The following DOK7 variants were observed in gnomAD, a reference collection of about 807,000 sequenced individuals.
The protein encoded by DOK7 is protein Dok-7.
In DOK7, 32 loss-of-function variants were observed where a neutral mutation model predicts 30.7. The observed-to-expected ratio is 1.04, with a 90% CI of 0.79 to 1.40. DOK7 has a LOEUF of 1.40. DOK7 is among the 40% of genes most tolerant of loss of function. The pLI is 0.00. For missense variants in DOK7, 1,007 were observed against 699.2 expected (o/e 1.44, Z -4.97); for synonymous variants, 447 against 324.1 (o/e 1.38, Z -4.07).
Position 3,489,702 on chromosome 4 carries a change from T to C in DOK7, c.678T>C (p.Thr226=), listed in dbSNP as rs1184880137. 6.4e-7 allele frequency: 1 copy of C among 1,564,524 alleles called. No individual in the cohort carries two copies. Among genetic ancestry groups the C allele is most frequent in the Non-Finnish European group, 8.7e-7 (1 of 1,154,712 alleles). Residue 226 remains threonine, a synonymous_variant, in exon 6 of 7, where the codon ACT becomes ACC. Coordinates refer to ENST00000340083, the MANE Select transcript of DOK7 (RefSeq NM_173660.5). ...ACCCAAGTCCCCCGGGACCCTCGACTGTGGAGGAGCGTGTGGCCCAGGAAG... is the reference window on the plus strand; with the variant it reads ...ACCCAAGTCCCCCGGGACCCTCGACCGTGGAGGAGCGTGTGGCCCAGGAAG... ...LPDPSPPGPS[T]VEERVAQEAL... is the part of the protein sequence containing the mutation.
At chr4:3,500,274 G>A (rs1174491660) in exon 7 of DOK7, 8 of 1,535,888 alleles carry the variant, frequency 5.2e-6, no homozygotes, top group Non-Finnish European at 5.2e-6. Context: ...CGTGGCTGTG[G>A]ACAGCCCAGG....
intron 4 of DOK7, among the ~76,000 whole-genome samples, chr4:3,484,202 A>C (rs1388250187): frequency 1.3e-5 from 2 of 152,328 alleles, no homozygotes; most frequent in Admixed American, 1.3e-4. Context: ...GTTTGGGGAC[A>C]CTACGTGGAA....
At chr4:3,495,490 T>C (rs1184621331), downstream of DOK7, among the ~76,000 whole-genome samples, 1 of 152,204 alleles carries the variant, frequency 6.6e-6, no homozygotes, top group Non-Finnish European at 1.5e-5. Context: ...AGCCTTTCCC[T>C]GTGGGGATGC....
chr4:3,466,185 C>T (rs1357293261), intron 2 of DOK7, among the ~76,000 whole-genome samples: 1 of 148,962 alleles, frequency 6.7e-6, no homozygotes, highest in Non-Finnish European at 1.5e-5. Flanking sequence ...AGCCCAGTTC[C>T]CCCCAGCCAG....
rs560496112 is a variant in DOK7, at chr4:3,481,524, G to A, written c.533-4015G>A. Among the ~76,000 whole-genome samples the A allele has an allele frequency of 3.9e-4, 60 of 152,224 alleles. No individual in the cohort carries two copies. The South Asian group carries it at 0.011, about 28-fold the overall frequency. On this transcript the variant is annotated intron_variant, in intron 4 of 6. Coordinates refer to ENST00000340083, the MANE Select transcript of DOK7 (RefSeq NM_173660.5). ...GGGTGGGAGCCAACACCCACTGCCA[G>A]GCTCCAGGCCTTCCTCCACCCGAGA... is the stretch of plus-strand genomic sequence containing the variant.
chr4:3,497,317 G>A (rs1348154930), downstream of DOK7, among the ~76,000 whole-genome samples: 1 of 152,072 alleles, frequency 6.6e-6, no homozygotes, highest in Non-Finnish European at 1.5e-5. Flanking sequence ...CAGCGGTGGG[G>A]GCCTGTGGAG....
At chr4:3,484,458 A>G (rs1423225259) in intron 4 of DOK7, 5 of 982,182 alleles carry the variant, frequency 5.1e-6, no homozygotes, top group Non-Finnish European at 6.0e-6. Flanking sequence ...TCTTTGGGCA[A>G]TGGGCAGAGG....
Position 3,493,508 on chromosome 4 carries a change from C to T in DOK7, c.*7C>T, listed in dbSNP as rs760159934. ...GGTAAACCCCCCTCCTTGAGAGCCG[C>T]AGATCCCGCCCCGCGGCTGCAAAGG... On this transcript the variant is annotated 3_prime_UTR_variant, in exon 7 of 7. Transcript: ENST00000340083. 2.5e-6 allele frequency: 4 copies of T among 1,610,390 alleles called. No homozygotes were observed. In the South Asian group the frequency reaches 3.3e-5, roughly 13 times the overall value.
At chr4:3,497,213 T>G (rs1050257853), downstream of DOK7, among the ~76,000 whole-genome samples, 1 of 151,222 alleles carries the variant, frequency 6.6e-6, no homozygotes, top group East Asian at 2.0e-4. Context: ...AAGCCCTGAG[T>G]GTGGACCTGT....
chr4:3,466,462 G>A (rs908579872), intron 2 of DOK7, among the ~76,000 whole-genome samples: 2 of 152,194 alleles, frequency 1.3e-5, no homozygotes, highest in South Asian at 2.1e-4. Flanking sequence ...ACACTGGGTC[G>A]GCCCTTCCTG....
chr4:3,485,516 C>T, intron 4 of DOK7, 23 bp from the exon 5 acceptor site: 4 of 1,570,514 alleles, frequency 2.5e-6, no homozygotes, highest in Non-Finnish European at 3.5e-6. Flanking sequence ...CCAGACTGAC[C>T]TGTCTCTGTC....
intron 4 of DOK7, among the ~76,000 whole-genome samples, chr4:3,479,295 C>A (rs1407930847): frequency 6.6e-6 from 1 of 152,234 alleles, no homozygotes; most frequent in Non-Finnish European, 1.5e-5. Flanking sequence ...CCTGGATGAC[C>A]CAGGGTGACC....
intron 2 of DOK7, 150 bp from the exon 3 acceptor site, chr4:3,473,256 G>A: frequency 1.4e-6 from 1 of 699,092 alleles, no homozygotes; most frequent in Non-Finnish European, 2.5e-6. Flanking sequence ...CATTTTGTAT[G>A]CCGGGAGTCG....
downstream of DOK7, among the ~76,000 whole-genome samples, chr4:3,498,759 C>T (rs762347211): frequency 6.6e-6 from 1 of 152,220 alleles, no homozygotes; most frequent in South Asian, 2.1e-4. Flanking sequence ...TGGCTCATCT[C>T]GATGAAGGGG....
At chr4:3,492,726 C>G in intron 6 of DOK7, 33 bp from the exon 7 acceptor site, 1 of 1,611,148 alleles carries the variant, frequency 6.2e-7, no homozygotes, top group Non-Finnish European at 8.5e-7. Flanking sequence ...CCCTGTACCC[C>G]CACAACTGCC....
chr4:3,463,643 C>T (rs962272817), intron 2 of DOK7, 92 bp downstream of exon 2: 21 of 1,456,238 alleles, frequency 1.4e-5, no homozygotes, highest in African/African-American at 9.9e-5. Flanking sequence ...CCAAAATCGC[C>T]GCCGCTGTCA....
chr4:3,477,598 A>C (rs1331985437), intron 4 of DOK7, among the ~76,000 whole-genome samples: 1 of 152,188 alleles, frequency 6.6e-6, no homozygotes, highest in Non-Finnish European at 1.5e-5. Context: ...GCCTTTGAGG[A>C]GACGACATCT....
In DOK7 at chr4:3,494,191, C is replaced by T; in HGVS notation, c.*690C>T. The T allele has an allele frequency of 1.0e-6, 1 of 985,584 alleles. No individual in the cohort carries two copies. Among genetic ancestry groups the T allele is most frequent in the Non-Finnish European group, 1.2e-6 (1 of 830,024 alleles). The allele number at this position is 985,584 out of a possible 1,614,324, so 61.1% of individuals were successfully genotyped here. ...TGACCCCACTGGGAGAGGCGCCGTG[C>T]CTCGGGCCCCTGGTGGGAGCTCTGC... On this transcript the variant is annotated 3_prime_UTR_variant, in exon 7 of 7. Coordinates refer to ENST00000340083, the MANE Select transcript of DOK7 (RefSeq NM_173660.5).
intron 1 of DOK7, 29 bp from the exon 2 acceptor site, chr4:3,463,477 G>A: frequency 6.9e-7 from 1 of 1,443,018 alleles, no homozygotes; most frequent in Non-Finnish European, 9.1e-7. Context: ...GGCGCGGGCG[G>A]CGGCTCACGC....
Sources: gnomAD v4.1 joint callset for allele counts (sites outside exome capture counted in the v4.1 genomes callset) on GRCh38, gnomAD v4.1.1 for gene constraint, MANE v1.5 for transcripts, NCBI Gene and HGNC (gene_info 2026-07-23, HGNC 2026-07-21) for gene names.